Variants in DPP6 observed in about 807,000 individuals in gnomAD.
The protein encoded by DPP6 is A-type potassium channel modulatory protein DPP6.
Under a neutral mutation model 122.6 loss-of-function variants are expected in DPP6, and 69 were observed. The ratio of observed to expected loss-of-function variants is 0.56; its 90% confidence interval spans 0.46 to 0.69. DPP6 has a LOEUF of 0.69. Among genes scored for constraint, DPP6 ranks in the 30% least tolerant of loss-of-function variants. The probability of loss-of-function intolerance (pLI) is 0.00; values close to 1 mark genes in which losing one functional copy is unlikely to be tolerated. For missense variants in DPP6, 928 were observed against 1,116.9 expected, an observed-to-expected ratio of 0.83 and a Z score of 2.41; for synonymous variants, 418 against 433.1, an observed-to-expected ratio of 0.97 and a Z score of 0.43.
At chr7:154,048,502 C>T (rs2129060408), upstream of DPP6, among the ~76,000 whole-genome samples, 1 of 75,174 alleles carries the variant, frequency 1.3e-5, no homozygotes, top group East Asian at 3.2e-4. Context: ...AATATGCCTT[C>T]TATTTATGCA....
At chr7:153,919,945 C>T (rs1473137828) in intron 1 of DPP6, among the ~76,000 whole-genome samples, 1 of 152,172 alleles carries the variant, frequency 6.6e-6, no homozygotes, top group Non-Finnish European at 1.5e-5. Context: ...CCTAGACACA[C>T]CTGCCCAGGA....
At chr7:153,909,302 C>A (rs1329370353) in intron 1 of DPP6, among the ~76,000 whole-genome samples, 1 of 152,140 alleles carries the variant, frequency 6.6e-6, no homozygotes, top group Non-Finnish European at 1.5e-5. Context: ...CACAGTTGTT[C>A]AGCAGAGCAG....
At chr7:154,088,020 T>A (rs1804550618) in intron 1 of DPP6, among the ~76,000 whole-genome samples, 1 of 152,088 alleles carries the variant, frequency 6.6e-6, no homozygotes, top group African/African-American at 2.4e-5. Flanking sequence ...TGTGCTGGGA[T>A]GGAGGACAGA....
At chr7:154,386,028 C>G (rs1221467513) in intron 1 of DPP6, among the ~76,000 whole-genome samples, 1 of 152,156 alleles carries the variant, frequency 6.6e-6, no homozygotes, top group Non-Finnish European at 1.5e-5. Context: ...CCCTTTCTTG[C>G]AAAAGTACAA....
At chr7:153,791,438 TCAGATGGAGTCTCA>T in the DPP6 span, among the ~76,000 whole-genome samples, 32 of 145,498 alleles carry the variant, frequency 2.2e-4, no homozygotes, top group South Asian at 2.3e-4. Flanking sequence ...TTTTTTTTTT[TCAGATGGAGTCTCA>T]TTGTTTCCCA....
At chr7:154,663,053 G>T (rs1452207459) in intron 6 of DPP6, among the ~76,000 whole-genome samples, 2 of 39,030 alleles carry the variant, frequency 5.1e-5, no homozygotes, top group Non-Finnish European at 1.3e-4. Flanking sequence ...TAGTGTTCAC[G>T]CAGTCATGGT....
chr7:154,708,287 C>G (rs540922228), intron 7 of DPP6, among the ~76,000 whole-genome samples: 1 of 152,288 alleles, frequency 6.6e-6, no homozygotes, highest in South Asian at 2.1e-4. Flanking sequence ...GCCAATTATA[C>G]TTTATTTCCA....
rs567802050 is a variant in DPP6, at chr7:154,610,135, C to G, written c.628-27686C>G. Among the ~76,000 whole-genome samples, 107 of 152,204 alleles carry G rather than the reference C, an allele frequency of 7.0e-4. 2 individuals carry two copies. Among genetic ancestry groups the G allele is most frequent in the African/African-American group, 2.5e-3 (104 of 41,524 alleles). On this transcript the variant is annotated intron_variant, in intron 5 of 25. Coordinates refer to ENST00000377770, the MANE Select transcript of DPP6 (RefSeq NM_130797.4). ...TGGAAGAGAAAGAAAGAAAGAATAT[C>G]CCTCGCCTTACCTTTCTTGACCCAT... is the stretch of plus-strand genomic sequence containing the variant.
intron 16 of DPP6, among the ~76,000 whole-genome samples, chr7:154,832,644 G>A (rs1800722395): frequency 6.6e-6 from 1 of 152,220 alleles, no homozygotes; most frequent in Non-Finnish European, 1.5e-5. Flanking sequence ...CCCAGGGCCT[G>A]TGAACAGCGC....
At chr7:153,977,087 C>T (rs1198223085) in intron 1 of DPP6, among the ~76,000 whole-genome samples, 1 of 152,190 alleles carries the variant, frequency 6.6e-6, no homozygotes, top group East Asian at 1.9e-4. Flanking sequence ...GCCTTAAATA[C>T]AGAAATCTTC....
intron 5 of DPP6, among the ~76,000 whole-genome samples, chr7:154,590,383 C>T (rs892587705): frequency 2.0e-5 from 3 of 151,372 alleles, no homozygotes; most frequent in African/African-American, 4.9e-5. Flanking sequence ...TACAGCCTTA[C>T]ACATAATTTC....
chr7:154,608,343 T>TATATATATATATATATATATATA (rs1404548976), intron 5 of DPP6, among the ~76,000 whole-genome samples: 1 of 78,376 alleles, frequency 1.3e-5, no homozygotes, highest in East Asian at 7.2e-4. Flanking sequence ...ATATATATAT[T>TATATATATATATATATATATATA]TTGAGATGGA....
intron 1 of DPP6, among the ~76,000 whole-genome samples, chr7:153,951,702 G>GT (rs2129021711): frequency 6.6e-6 from 1 of 152,198 alleles, no homozygotes; most frequent in East Asian, 1.9e-4. Context: ...AACACAAGAA[G>GT]TTTTCCCTTG....
chr7:154,121,599 C>T (rs1807471964), intron 1 of DPP6, among the ~76,000 whole-genome samples: 1 of 152,126 alleles, frequency 6.6e-6, no homozygotes, highest in African/African-American at 2.4e-5. Context: ...CCATCTGTTA[C>T]TGATTTCTAA....
chr7:154,201,483 G>A (rs1423240514), intron 1 of DPP6, among the ~76,000 whole-genome samples: 2 of 152,154 alleles, frequency 1.3e-5, no homozygotes, highest in Non-Finnish European at 2.9e-5. Flanking sequence ...GTTAAAAGTG[G>A]GTTAAGGCTT....
At chr7:154,104,187 A>G (rs1255362521) in intron 1 of DPP6, among the ~76,000 whole-genome samples, 1 of 152,198 alleles carries the variant, frequency 6.6e-6, no homozygotes, top group East Asian at 1.9e-4. Flanking sequence ...CTGGAATCGC[A>G]GTCTCCTCCA....
At chr7:154,187,274 G>A (rs1202645549) in intron 1 of DPP6, among the ~76,000 whole-genome samples, 2 of 152,168 alleles carry the variant, frequency 1.3e-5, no homozygotes, top group East Asian at 1.9e-4. Context: ...TTTATTGGTA[G>A]CAAGTGGGAA....
At chr7:154,232,628 A>G (rs1800983605) in intron 1 of DPP6, among the ~76,000 whole-genome samples, 1 of 152,206 alleles carries the variant, frequency 6.6e-6, no homozygotes, top group South Asian at 2.1e-4. Flanking sequence ...CTCATCCCAC[A>G]TTCAGACCCT....
chr7:154,104,825 G>GT (rs1450392957), intron 1 of DPP6, among the ~76,000 whole-genome samples: 1 of 152,226 alleles, frequency 6.6e-6, no homozygotes, highest in Non-Finnish European at 1.5e-5. Flanking sequence ...AACACTCAGT[G>GT]TAAGATCAGG....
Sources: allele counts gnomAD v4.1 joint callset (sites outside exome capture counted in the v4.1 genomes callset), GRCh38; gene constraint gnomAD v4.1.1; transcripts MANE v1.5; gene names NCBI Gene and HGNC (gene_info 2026-07-23, HGNC 2026-07-21).